Variants in SOHLH2 observed in about 807,000 individuals in gnomAD.
SOHLH2 encodes spermatogenesis and oogenesis specific basic helix-loop-helix 2, also known as spermatogenesis- and oogenesis-specific basic helix-loop-helix-containing protein 2.
Under a neutral mutation model 50.4 loss-of-function variants are expected in SOHLH2, and 22 were observed. The observed-to-expected ratio is 0.44, with a 90% CI of 0.31 to 0.62. The LOEUF is 0.62. Ranked by LOEUF, SOHLH2 falls within the 20% of genes least tolerant of loss-of-function variation. The pLI, the probability that SOHLH2 is intolerant of heterozygous loss-of-function variation, is 0.08. For synonymous variants in SOHLH2, 185 were observed against 187.3 expected, an observed-to-expected ratio of 0.99 and a Z score of 0.10; for missense variants, 412 against 504.4, an observed-to-expected ratio of 0.82 and a Z score of 1.76.
chr13:36,170,175 G>A (rs939966318), intron 10 of SOHLH2, among the ~76,000 whole-genome samples: 1 of 152,242 alleles, frequency 6.6e-6, no homozygotes. Context: ...TAGTTACGGG[G>A]CCAGTTGAGG....
chr13:36,192,032 A>G, intron 4 of SOHLH2, 138 bp from the exon 5 acceptor site: 1 of 971,450 alleles, frequency 1.0e-6, no homozygotes, highest in South Asian at 1.8e-5. Flanking sequence ...TTAAAACTGA[A>G]AGCAATTTAT....
rs201006259 is a variant in SOHLH2, at chr13:36,191,888, G to A, written c.437C>T (p.Thr146Ile). Reference sequence around the variant, plus strand: ...TTCTTCAGGCCCAGTTGCGTTTTCAGTCTTAACTGAAAGTTTTGAGAGGGG... The same window carrying A: ...TTCTTCAGGCCCAGTTGCGTTTTCAATCTTAACTGAAAGTTTTGAGAGGGG... ...WTTCPSNTVK[T>I]ENATGPEELG... The change falls in exon 5 of 11, where the codon ACT (threonine) becomes ATT (isoleucine). Residue 146 changes from threonine (T) to isoleucine (I), a missense_variant. Transcript: ENST00000379881. The A allele has an allele frequency of 7.4e-6, 12 of 1,613,910 alleles. No individual in the cohort carries two copies. In the Admixed American group the frequency reaches 1.2e-4, roughly 16 times the overall value.
chr13:36,203,418 C>CT (rs2138321850), intron 1 of SOHLH2, among the ~76,000 whole-genome samples: 1 of 152,318 alleles, frequency 6.6e-6, no homozygotes, highest in South Asian at 2.1e-4. Context: ...CATCTGTCAT[C>CT]TTGATCCAGT....
intron 6 of SOHLH2, among the ~76,000 whole-genome samples, chr13:36,179,189 T>G (rs983885449): frequency 6.6e-6 from 1 of 152,208 alleles, no homozygotes; most frequent in Non-Finnish European, 1.5e-5. Context: ...GTTCCTGATC[T>G]TTTTAAGGAG....
chr13:36,195,736 A>G (rs1443289875), intron 2 of SOHLH2, among the ~76,000 whole-genome samples: 1 of 152,196 alleles, frequency 6.6e-6, no homozygotes, highest in African/African-American at 2.4e-5. Context: ...AGTATTTACT[A>G]AATTAATTAC....
intron 5 of SOHLH2, 31 bp downstream of exon 5, chr13:36,191,764 T>C (rs1005875680): frequency 2.5e-6 from 4 of 1,611,634 alleles, no homozygotes; most frequent in African/African-American, 2.7e-5. Context: ...TCTAAAAATA[T>C]TGCTATTATG....
intron 10 of SOHLH2, among the ~76,000 whole-genome samples, chr13:36,169,880 A>G (rs987842873): frequency 6.6e-6 from 1 of 152,112 alleles, no homozygotes; most frequent in African/African-American, 2.4e-5. Context: ...TCTAGCTGAT[A>G]TATATAGTGG....
intron 1 of SOHLH2, among the ~76,000 whole-genome samples, chr13:36,203,802 T>G (rs992881512): frequency 6.6e-6 from 1 of 152,186 alleles, no homozygotes. Context: ...TATTATCACA[T>G]ATTTATCATG....
At chr13:36,200,082 T>C (rs563604665) in intron 2 of SOHLH2, among the ~76,000 whole-genome samples, 2 of 152,268 alleles carry the variant, frequency 1.3e-5, no homozygotes, top group South Asian at 2.1e-4. Flanking sequence ...AAATGAGCCA[T>C]GTGGTCTTAG....
At chr13:36,173,863 A>G in intron 8 of SOHLH2, 53 bp from the exon 9 acceptor site, 1 of 1,599,170 alleles carries the variant, frequency 6.3e-7, no homozygotes, top group Admixed American at 1.7e-5. Context: ...AACAATGTGG[A>G]CACTGCTGAG....
chr13:36,175,159 C>T (rs1234152152), intron 6 of SOHLH2, among the ~76,000 whole-genome samples: 3 of 152,226 alleles, frequency 2.0e-5, no homozygotes, highest in East Asian at 1.9e-4. Context: ...TGCTGCAGAG[C>T]GCAGGATGCC....
intron 2 of SOHLH2, among the ~76,000 whole-genome samples, chr13:36,199,106 T>C (rs1887819377): frequency 1.3e-5 from 2 of 152,218 alleles, no homozygotes; most frequent in African/African-American, 2.4e-5. Flanking sequence ...TTAGGATAGA[T>C]GAAGGTTTAA....
intron 5 of SOHLH2, 89 bp from the exon 6 acceptor site, chr13:36,190,145 A>T (rs1887534352): frequency 4.2e-6 from 5 of 1,184,180 alleles, no homozygotes; most frequent in Non-Finnish European, 5.7e-6. Flanking sequence ...TAAACAAAGG[A>T]TGCTTCTCTA....
At chr13:36,190,084 C>T (rs2138295765) in intron 5 of SOHLH2, 28 bp from the exon 6 acceptor site, 1 of 1,568,842 alleles carries the variant, frequency 6.4e-7, no homozygotes, top group Non-Finnish European at 8.6e-7. Context: ...TCACACCATA[C>T]ATTAAAGGGG....
rs768468478 is a variant in SOHLH2, at chr13:36,170,690, T to C, written c.1098A>G (p.Arg366=). 2.5e-6 allele frequency: 4 copies of C among 1,614,188 alleles called. No homozygotes were observed. In the South Asian group the frequency reaches 4.4e-5, roughly 18 times the overall value. The change falls in exon 10 of 11, where the codon AGA becomes AGG. Residue 366 remains arginine, a synonymous_variant. Coordinates refer to ENST00000379881, the MANE Select transcript of SOHLH2 (RefSeq NM_017826.3). Reference sequence around the variant, plus strand: ...AGGAAGGGGTGACTTTAGAATAATATCTGACAGTATGCAAGGAATTCAGAG... The same window carrying C: ...AGGAAGGGGTGACTTTAGAATAATACCTGACAGTATGCAAGGAATTCAGAG... ...ALSLNSLHTV[R]YYSKVTPSYD...
intron 1 of SOHLH2, among the ~76,000 whole-genome samples, chr13:36,212,056 C>A (rs181873546): frequency 6.6e-6 from 1 of 152,092 alleles, no homozygotes; most frequent in African/African-American, 2.4e-5. Context: ...CAGAATCTCT[C>A]GGCCTTTTGG....
intron 5 of SOHLH2, 96 bp downstream of exon 5, chr13:36,191,699 A>AAG: frequency 7.0e-7 from 1 of 1,434,008 alleles, no homozygotes; most frequent in Non-Finnish European, 9.6e-7. Flanking sequence ...CAGGATTCTT[A>AAG]AGTACAGCAA....
At chr13:36,210,817 C>T (rs1869074418) in intron 1 of SOHLH2, among the ~76,000 whole-genome samples, 1 of 151,998 alleles carries the variant, frequency 6.6e-6, no homozygotes, top group Non-Finnish European at 1.5e-5. Flanking sequence ...CAGCACAACA[C>T]TTTTAAATGA....
chr13:36,210,876 G>C (rs918721298), intron 1 of SOHLH2, among the ~76,000 whole-genome samples: 1 of 152,152 alleles, frequency 6.6e-6, no homozygotes, highest in Non-Finnish European at 1.5e-5. Context: ...GGCCCTACTA[G>C]TGTGTTTCCT....
Sources: allele counts gnomAD v4.1 joint callset (sites outside exome capture counted in the v4.1 genomes callset), GRCh38; gene constraint gnomAD v4.1.1; transcripts MANE v1.5; gene names NCBI Gene and HGNC (gene_info 2026-07-23, HGNC 2026-07-21).